Variants in PLXNB2 observed in about 807,000 individuals in gnomAD.
PLXNB2 encodes plexin-B2.
A neutral mutation model predicts 202.6 loss-of-function variants in PLXNB2; 85 were observed. That is an observed-to-expected ratio of 0.42 (90% CI 0.35 to 0.50). The LOEUF is 0.50. PLXNB2 is among the 20% of genes least tolerant of loss of function. PLXNB2 has a pLI of 0.02. For synonymous variants in PLXNB2, 1,239 were observed against 1,137.6 expected (o/e 1.09, Z -1.79); for missense variants, 2,063 against 2,586.2 (o/e 0.80, Z 4.39).
At chr22:50,282,495 C>CG (rs2066076067) in intron 18 of PLXNB2, 182 bp from the exon 19 acceptor site, 1 of 715,892 alleles carries the variant, frequency 1.4e-6, no homozygotes, top group East Asian at 2.8e-5. Flanking sequence ...CGCAAGTGGG[C>CG]GGGGGGCACA....
intron 1 of PLXNB2, among the ~76,000 whole-genome samples, chr22:50,295,190 G>A (rs536004327): frequency 2.6e-5 from 4 of 151,964 alleles, no homozygotes; most frequent in African/African-American, 9.7e-5. Flanking sequence ...GCCTGGTGGC[G>A]GGCAGCTGTA....
rs779827960 is a variant in PLXNB2, at chr22:50,283,875, C to T, written c.2379G>A (p.Leu793=). The change falls in exon 14 of 37, where the codon CTG becomes CTA. Residue 793 remains leucine (L), a synonymous_variant. Coordinates refer to ENST00000359337, the MANE Select transcript of PLXNB2 (RefSeq NM_012401.4). ...GCGGGCACTCGGAGGTGGTGTTGCA[C>T]AGGGCCTCATACACGCACCTGCTCT... The part of the protein sequence containing the change: ...GGQSRCVYEA[L]CNTTSECPPP... 1.5e-5 allele frequency: 24 copies of T among 1,607,122 alleles called. No homozygotes were observed. The highest frequency in any genetic ancestry group is 1.9e-5 in the Non-Finnish European group (22 of 1,177,354).
At position 50,281,072 on chromosome 22, in the gene PLXNB2, C is replaced by T. The variant is rs1479992191; in HGVS notation, c.3763+17G>A. On this transcript the variant is annotated intron_variant, in intron 23 of 36. Coordinates refer to ENST00000359337, the MANE Select transcript of PLXNB2 (RefSeq NM_012401.4). ...CCCCAGGAGGCGCCCCAGCACCAGCCCCCAAGCGGTCCCTACCTGTGAATT... is the reference window on the plus strand; with the variant it reads ...CCCCAGGAGGCGCCCCAGCACCAGCTCCCAAGCGGTCCCTACCTGTGAATT... The T allele has an allele frequency of 2.1e-5, 34 of 1,609,750 alleles. No individual in the cohort carries two copies. The highest frequency in any genetic ancestry group is 2.8e-5 in the Non-Finnish European group (33 of 1,177,132).
At chr22:50,300,014 G>T (rs935245427) in intron 1 of PLXNB2, among the ~76,000 whole-genome samples, 26 of 152,052 alleles carry the variant, frequency 1.7e-4, no homozygotes, top group African/African-American at 6.3e-4. Flanking sequence ...CAGGGACTAG[G>T]CCCGCGCCTC....
At chr22:50,293,431 A>G (rs904248163) in intron 2 of PLXNB2, among the ~76,000 whole-genome samples, 6 of 152,086 alleles carry the variant, frequency 3.9e-5, no homozygotes, top group African/African-American at 1.4e-4. Flanking sequence ...AAGTGCACCC[A>G]GTGGCGCCAG....
At chr22:50,279,056 T>A (rs754076298) in intron 27 of PLXNB2, 45 bp from the exon 28 acceptor site, 2 of 1,549,306 alleles carry the variant, frequency 1.3e-6, no homozygotes, top group Non-Finnish European at 1.7e-6. Context: ...GCCCTGCTCT[T>A]ACCTGCACCA....
intron 18 of PLXNB2, 71 bp from the exon 19 acceptor site, chr22:50,282,384 C>G: frequency 6.6e-7 from 1 of 1,509,156 alleles, no homozygotes; most frequent in Non-Finnish European, 8.9e-7. Flanking sequence ...CTCCCGTCCC[C>G]GCCCACCCTG....
rs201675007 is a variant in PLXNB2 at position 50,290,452 on chromosome 22, C to T, written c.133G>A (p.Val45Met). 6.0e-5 allele frequency: 97 copies of T among 1,612,948 alleles called. No homozygotes were observed. Among genetic ancestry groups the T allele is most frequent in the Middle Eastern group, 1.6e-4 (1 of 6,062 alleles). The change falls in exon 3 of 37, where the codon GTG becomes ATG. Residue 45 changes from valine (V) to methionine (M), a missense_variant. Around this residue, in one of 2 missense-constraint regions of PLXNB2, gnomAD observed 1,303 missense variants for 1,476.8 expected, o/e 0.88. Transcript: ENST00000359337. ...NHLAVDEASGVVYLGAVNALY... is the reference protein window; with the variant it reads ...NHLAVDEASGMVYLGAVNALY... ...GCATTCACCGCCCCCAGGTACACCACGCCTGAGGCCTCATCCACAGCCAGG... is the reference window on the plus strand; with the variant it reads ...GCATTCACCGCCCCCAGGTACACCATGCCTGAGGCCTCATCCACAGCCAGG...
Position 50,283,295 on chromosome 22 carries a change from G to A in PLXNB2, c.2679+42C>T, listed in dbSNP as rs375222551. ...GGCGGCGGGCAGAGCCCCTCCTCCCGGTCCTCCCGGGTTCGGCAGGTCCCC... is the reference window on the plus strand; with the variant it reads ...GGCGGCGGGCAGAGCCCCTCCTCCCAGTCCTCCCGGGTTCGGCAGGTCCCC... On this transcript the variant is annotated intron_variant, in intron 16 of 36. Coordinates refer to ENST00000359337, the MANE Select transcript of PLXNB2 (RefSeq NM_012401.4). 785 of 1,607,528 alleles carry A rather than the reference G, an allele frequency of 4.9e-4. 3 individuals are homozygous for A. In the Middle Eastern group the frequency reaches 0.01, roughly 21 times the overall value.
In PLXNB2 at chr22:50,306,001, A is replaced by C. The variant is rs35860776; in HGVS notation, c.-74+1552T>G. Among the ~76,000 whole-genome samples, 1,101 of 152,168 alleles carry C rather than the reference A, an allele frequency of 7.2e-3. 49 individuals are homozygous for C. Among genetic ancestry groups the C allele is most frequent in the Admixed American group, 0.066 (1,005 of 15,296 alleles). ...AGTAGAAAGTGGCAGAGCTGCCCGG[A>C]CTTGCCCGTCCTCCTCCTGGGGCCC... On this transcript the variant is annotated intron_variant, in intron 1 of 36. Coordinates refer to ENST00000359337, the MANE Select transcript of PLXNB2 (RefSeq NM_012401.4).
At position 50,307,500 on chromosome 22, in the gene PLXNB2, C is replaced by CCCCCCCACGCCCAGCGAGACGT. The variant is rs2067934504; in HGVS notation, c.-74+52_-74+53insACGTCTCGCTGGGCGTGGGGGG. The stretch of plus-strand genomic sequence containing the variant: ...GCGGAGCGGCGCTGACGGCGAAGCC[C>CCCCCCCACGCCCAGCGAGACGT]CCCCCACGCCCAGCGAGACGTCCCC... On this transcript the variant is annotated intron_variant, in intron 1 of 36. Transcript: ENST00000359337. 3 of 914,188 alleles carry CCCCCCCACGCCCAGCGAGACGT rather than the reference C, an allele frequency of 3.3e-6. No homozygotes were observed. The African/African-American group carries it at 5.4e-5, about 16-fold the overall frequency. 56.6% of individuals were successfully genotyped at this position (914,188 alleles called of 1,614,324 possible). A position where few individuals can be genotyped will look rare whatever the true frequency, so the allele number is the denominator to read the frequency against.
chr22:50,301,396 C>T (rs914829803), intron 1 of PLXNB2: 2 of 903,562 alleles, frequency 2.2e-6, no homozygotes, highest in Non-Finnish European at 2.5e-6. Context: ...GTGGGCACCG[C>T]CAGGCGCTCG....
At chr22:50,281,233 G>T in intron 22 of PLXNB2, 44 bp from the exon 23 acceptor site, 6 of 1,570,010 alleles carry the variant, frequency 3.8e-6, no homozygotes, top group Non-Finnish European at 5.2e-6. Context: ...GGGGCTGGCC[G>T]CTCAGCTGCC....
At chr22:50,286,309 GT>G (rs1344282953) in intron 8 of PLXNB2, 22 bp from the exon 9 acceptor site, 6 of 1,572,668 alleles carry the variant, frequency 3.8e-6, no homozygotes, top group Admixed American at 1.7e-5. Flanking sequence ...AGAGGGGGAG[GT>G]GTCAAGGTGG....
chr22:50,304,454 C>A (rs1394933190), intron 1 of PLXNB2, among the ~76,000 whole-genome samples: 1 of 152,182 alleles, frequency 6.6e-6, no homozygotes, highest in African/African-American at 2.4e-5. Flanking sequence ...ACACCTGTGG[C>A]TGGGGGAGCC....
In PLXNB2 at chr22:50,288,130, C is replaced by A; in HGVS notation, c.1381-93G>T. ...TCCCCAGACCGCCAGCTTGACCCAG[C>A]TCTGTCCCGGGGCCTCGGGAGCCTC... is the stretch of plus-strand genomic sequence containing the variant. On this transcript the variant is annotated intron_variant, in intron 5 of 36. Coordinates refer to ENST00000359337, the MANE Select transcript of PLXNB2 (RefSeq NM_012401.4). This position sits in a 1 kb window ranked among gnomAD's most constrained non-coding sequence, Gnocchi z 5.0. The A allele has an allele frequency of 1.0e-6, 1 of 977,344 alleles. No individual in the cohort carries two copies. The highest frequency in any genetic ancestry group is 1.5e-5 in the South Asian group (1 of 68,596). The allele number at this position is 977,344 out of a possible 1,614,324, so 60.5% of individuals were successfully genotyped here. A position where few individuals can be genotyped will look rare whatever the true frequency, so the allele number is the denominator to read the frequency against.
At chr22:50,277,459 G>A (rs75930249) in intron 33 of PLXNB2, 132 bp downstream of exon 33, 13,825 of 924,448 alleles carry the variant, frequency 0.015, 142 homozygotes, top group Non-Finnish European at 0.018. Context: ...TCCGCCACCC[G>A]TCACCTCCTA....
chr22:50,277,869 T>C lies in PLXNB2; in HGVS notation c.5032A>G (p.Ile1678Val), dbSNP rs1201371323. Reference sequence around the variant, plus strand: ...GAGCCTCACCTGTTCGTCTTCCAGATGTGGATGGTGTCTTCATCCTGGATG... The same window carrying C: ...GAGCCTCACCTGTTCGTCTTCCAGACGTGGATGGTGTCTTCATCCTGGATG... The part of the protein sequence containing the change: ...HNIQDEDTIH[I>V]WKTNSLPLRF... Residue 1678 changes from isoleucine (I) to valine (V), a missense_variant, in exon 32 of 37, where the codon ATC (isoleucine) becomes GTC (valine). By Grantham distance (29) the Ile-to-Val change is conservative. Transcript: ENST00000359337. 7 of 1,612,900 alleles carry C rather than the reference T, an allele frequency of 4.3e-6. No individual in the cohort carries two copies. Among genetic ancestry groups the C allele is most frequent in the Admixed American group, 1.7e-5 (1 of 60,006 alleles).
rs978700987 is a variant in PLXNB2, at chr22:50,275,969, G to T, written c.5338-6C>A. ...TTCAAGGAGTCCGTGTGCGCCTGGG[G>T]GGTGACGGGACAGTCAGGGTGGAAA... On this transcript the variant is annotated splice_region_variant and splice_polypyrimidine_tract_variant and intron_variant, in intron 35 of 36. Coordinates refer to ENST00000359337, the MANE Select transcript of PLXNB2 (RefSeq NM_012401.4). 1 of 1,612,286 alleles carries T rather than the reference G, an allele frequency of 6.2e-7. No homozygotes were observed. The highest frequency in any genetic ancestry group is 1.1e-5 in the South Asian group (1 of 91,064).
Sources: allele counts gnomAD v4.1 joint callset (sites outside exome capture counted in the v4.1 genomes callset), GRCh38; gene constraint gnomAD v4.1.1; regional missense constraint gnomAD v4.1.1; non-coding constraint Gnocchi (gnomAD v3.1); transcripts MANE v1.5; gene names NCBI Gene and HGNC (gene_info 2026-07-23, HGNC 2026-07-21).